Variants in IMPG2 observed in about 807,000 individuals in gnomAD.
The protein encoded by IMPG2 is IPM 200.
Under a neutral mutation model 129.2 loss-of-function variants are expected in IMPG2, and 91 were observed. That is an observed-to-expected ratio of 0.70 (90% CI 0.59 to 0.84). The LOEUF (loss-of-function observed/expected upper bound fraction) is 0.84. Among genes scored for constraint, IMPG2 ranks in the 40% least tolerant of loss-of-function variants. The pLI is 0.00. For synonymous variants in IMPG2, 510 were observed against 517.7 expected (o/e 0.99, Z 0.20); for missense variants, 1,430 against 1,461.7 (o/e 0.98, Z 0.35).
intron 3 of IMPG2, among the ~76,000 whole-genome samples, chr3:101,295,808 T>C (rs890669589): frequency 3.3e-5 from 5 of 152,218 alleles, no homozygotes; most frequent in African/African-American, 1.2e-4. Context: ...CCTAGGTATT[T>C]TATTCTTTTT....
chr3:101,231,151 A>T lies in IMPG2; in HGVS notation c.3234-6T>A. On this transcript the variant is annotated splice_region_variant and splice_polypyrimidine_tract_variant and intron_variant, in intron 15 of 18. Coordinates refer to ENST00000193391, the MANE Select transcript of IMPG2 (RefSeq NM_016247.4). ...AGTTCTCACCCACCCGGCACCTGCAACCAACAGTCACCAAGTCCGATATCT... is the reference window on the plus strand; with the variant it reads ...AGTTCTCACCCACCCGGCACCTGCATCCAACAGTCACCAAGTCCGATATCT... The T allele has an allele frequency of 1.2e-6, 2 of 1,613,852 alleles. No homozygotes were observed. Among genetic ancestry groups the T allele is most frequent in the Non-Finnish European group, 1.7e-6 (2 of 1,179,912 alleles).
At chr3:101,288,107 A>C (rs1706966884) in intron 4 of IMPG2, among the ~76,000 whole-genome samples, 1 of 152,222 alleles carries the variant, frequency 6.6e-6, no homozygotes. Flanking sequence ...AAAAGAAGAC[A>C]TACATGAGGT....
intron 3 of IMPG2, among the ~76,000 whole-genome samples, chr3:101,299,891 G>T (rs972151977): frequency 1.3e-5 from 2 of 152,212 alleles, no homozygotes; most frequent in East Asian, 3.9e-4. Context: ...GGTGACACAG[G>T]GAACAGGACA....
chr3:101,276,085 A>G (rs1408142698), intron 5 of IMPG2, among the ~76,000 whole-genome samples: 1 of 152,202 alleles, frequency 6.6e-6, no homozygotes, highest in Non-Finnish European at 1.5e-5. Context: ...AGAGAGGAGA[A>G]GTGGGTAAAG....
chr3:101,277,943 A>T (rs969636988), intron 4 of IMPG2, among the ~76,000 whole-genome samples: 10 of 151,734 alleles, frequency 6.6e-5, no homozygotes, highest in Admixed American at 5.3e-4. Context: ...GCAATTAAAA[A>T]CTCTCTTCAA....
At chr3:101,318,229 AATT>A (rs1280232145) in intron 2 of IMPG2, among the ~76,000 whole-genome samples, 1 of 150,470 alleles carries the variant, frequency 6.6e-6, no homozygotes, top group Non-Finnish European at 1.5e-5. Context: ...AATCTTGATA[AATT>A]ATTAACTGTC....
chr3:101,245,725 C>T, intron 12 of IMPG2, 77 bp downstream of exon 12: 1 of 1,328,358 alleles, frequency 7.5e-7, no homozygotes, highest in African/African-American at 1.4e-5. Flanking sequence ...TTTTTCATAG[C>T]CATAGTCTCT....
intron 9 of IMPG2, among the ~76,000 whole-genome samples, chr3:101,258,485 A>T (rs1358151084): frequency 6.6e-6 from 1 of 152,120 alleles, no homozygotes; most frequent in Non-Finnish European, 1.5e-5. Context: ...CAGGGCATTA[A>T]CCAATTTTGT....
chr3:101,235,828 T>G (rs561933017), intron 14 of IMPG2, among the ~76,000 whole-genome samples: 1 of 152,096 alleles, frequency 6.6e-6, no homozygotes, highest in Non-Finnish European at 1.5e-5. Flanking sequence ...CAAGGATAGA[T>G]GGGTCTAGAA....
intron 3 of IMPG2, among the ~76,000 whole-genome samples, chr3:101,295,065 T>G (rs1707065015): frequency 6.6e-6 from 1 of 152,178 alleles, no homozygotes; most frequent in African/African-American, 2.4e-5. Context: ...TTTTGCTGTG[T>G]GGAAGTTTTT....
At chr3:101,262,013 C>T (rs1169139511) in intron 9 of IMPG2, among the ~76,000 whole-genome samples, 1 of 152,088 alleles carries the variant, frequency 6.6e-6, no homozygotes, top group Non-Finnish European at 1.5e-5. Flanking sequence ...AGACATTAAT[C>T]ACATGGAAGT....
intron 11 of IMPG2, 29 bp from the exon 12 acceptor site, chr3:101,246,134 C>T: frequency 6.2e-7 from 1 of 1,607,046 alleles, no homozygotes; most frequent in South Asian, 1.1e-5. Flanking sequence ...TAAATCATAT[C>T]ATAGATAAAA....
At chr3:101,283,077 C>CA (rs1342152974) in intron 4 of IMPG2, among the ~76,000 whole-genome samples, 1 of 152,186 alleles carries the variant, frequency 6.6e-6, no homozygotes, top group Non-Finnish European at 1.5e-5. Flanking sequence ...GGCTGGAGTG[C>CA]AGTGGCGCAA....
Position 101,242,744 on chromosome 3 carries a change from G to C in IMPG2, c.2966C>G (p.Thr989Ser), listed in dbSNP as rs1300944269. Residue 989 changes from threonine (T) to serine (S), a missense_variant, in exon 14 of 19, where the codon ACT becomes AGT. Thr to Ser is a moderately conservative substitution (Grantham distance 58). Coordinates refer to ENST00000193391, the MANE Select transcript of IMPG2 (RefSeq NM_016247.4). ...VYMILEDFCTTAYNTMNLAID... is the reference protein window; with the variant it reads ...VYMILEDFCTSAYNTMNLAID... ...AGCCAAGTTCATGGTATTGTAGGCA[G>C]TGGTACAAAAGTCTTCCAGAATCAT... 5 of 1,613,942 alleles carry C rather than the reference G, an allele frequency of 3.1e-6. No homozygotes were observed. The highest frequency in any genetic ancestry group is 4.2e-6 in the Non-Finnish European group (5 of 1,179,962).
intron 9 of IMPG2, among the ~76,000 whole-genome samples, chr3:101,262,060 CCT>C (rs1378133609): frequency 4.6e-5 from 7 of 151,990 alleles, no homozygotes; most frequent in African/African-American, 1.7e-4. Context: ...CCTCAGATGC[CCT>C]GATTGACTGT....
At chr3:101,271,239 CT>C (rs1406393422) in intron 7 of IMPG2, among the ~76,000 whole-genome samples, 1 of 152,232 alleles carries the variant, frequency 6.6e-6, no homozygotes, top group East Asian at 1.9e-4. Flanking sequence ...CACAGGCCTT[CT>C]TTTTTCAGAA....
In IMPG2 at chr3:101,244,733, G is replaced by T. The variant is rs1336939376; in HGVS notation, c.1598C>A (p.Ser533Ter). ...EDFLSIDSLP[S>*]SSFTQPVPKE... ...TGGCACAGGTTGAGTGAATGAACTT[G>T]AAGGCAATGAATCAATAGAAAGAAA... Residue 533 changes from serine to a stop codon, truncating the protein, a stop_gained, in exon 13 of 19, where the codon TCA becomes TAA. Coordinates refer to ENST00000193391, the MANE Select transcript of IMPG2 (RefSeq NM_016247.4). LOFTEE classifies it high-confidence loss of function. The T allele has an allele frequency of 6.2e-7, 1 of 1,613,924 alleles. No homozygotes were observed. The highest frequency in any genetic ancestry group is 8.5e-7 in the Non-Finnish European group (1 of 1,179,948).
intron 15 of IMPG2, 139 bp downstream of exon 15, chr3:101,232,642 G>A (rs939864687): frequency 1.7e-5 from 12 of 703,318 alleles, no homozygotes; most frequent in Non-Finnish European, 2.7e-5. Flanking sequence ...ATGACAGTTA[G>A]ATGGCTCCCA....
At chr3:101,236,846 C>A (rs1192536267) in intron 14 of IMPG2, among the ~76,000 whole-genome samples, 1 of 152,148 alleles carries the variant, frequency 6.6e-6, no homozygotes, top group Non-Finnish European at 1.5e-5. Context: ...CTGGTGGCAC[C>A]TGGAATGCCA....
Sources: gnomAD v4.1 joint callset for allele counts (sites outside exome capture counted in the v4.1 genomes callset) on GRCh38, gnomAD v4.1.1 for gene constraint, MANE v1.5 for transcripts, NCBI Gene and HGNC (gene_info 2026-07-23, HGNC 2026-07-21) for gene names.